MBNL1: variants seen among roughly 807,000 people sequenced by gnomAD.
The protein encoded by MBNL1 is muscleblind-like protein 1.
A neutral mutation model predicts 42.2 loss-of-function variants in MBNL1; 8 were observed. That is an observed-to-expected ratio of 0.19 (90% confidence interval 0.11 to 0.34). The LOEUF (loss-of-function observed/expected upper bound fraction) is 0.34. MBNL1 is among the 10% of genes least tolerant of loss of function. The pLI is 1.00. For missense variants in MBNL1, 309 were observed against 495.3 expected (o/e 0.62, Z 3.57); for synonymous variants, 169 against 173.9 (o/e 0.97, Z 0.22).
chr3:152,381,200 G>T (rs2097166249), intron 2 of MBNL1, among the ~76,000 whole-genome samples: 1 of 152,014 alleles, frequency 6.6e-6, no homozygotes, highest in Non-Finnish European at 1.5e-5. Context: ...ACAAAGACTG[G>T]ATTGTAATAT....
intron 2 of MBNL1, chr3:152,340,963 T>C: frequency 2.0e-6 from 3 of 1,504,082 alleles, no homozygotes; most frequent in Non-Finnish European, 2.7e-6. Flanking sequence ...CTATACCACT[T>C]TCCTGAAGGT....
intron 9 of MBNL1, among the ~76,000 whole-genome samples, chr3:152,460,528 T>C (rs975829345): frequency 1.4e-5 from 2 of 146,944 alleles, no homozygotes; most frequent in African/African-American, 5.0e-5. Flanking sequence ...GACACGTTAG[T>C]GGGTGCAGCG....
chr3:152,282,644 C>T (rs1260666901), intron 1 of MBNL1, among the ~76,000 whole-genome samples: 2 of 151,310 alleles, frequency 1.3e-5, no homozygotes, highest in South Asian at 2.1e-4. Context: ...GGTTTTGTTG[C>T]CACAAGATTT....
intron 5 of MBNL1, among the ~76,000 whole-genome samples, chr3:152,446,396 A>G (rs1276647986): frequency 6.6e-6 from 1 of 152,116 alleles, no homozygotes; most frequent in Non-Finnish European, 1.5e-5. Context: ...GCAAAAATAC[A>G]GAAGGCAGAC....
At chr3:152,378,239 TGGGA>T (rs918540079) in intron 2 of MBNL1, among the ~76,000 whole-genome samples, 2 of 151,882 alleles carry the variant, frequency 1.3e-5, no homozygotes, top group African/African-American at 4.8e-5. Flanking sequence ...GAGGCTGAGG[TGGGA>T]GGATCACTTG....
At chr3:152,354,657 A>G (rs965345849) in intron 2 of MBNL1, among the ~76,000 whole-genome samples, 2 of 152,004 alleles carry the variant, frequency 1.3e-5, no homozygotes, top group African/African-American at 2.4e-5. Context: ...AAAAAAAAAA[A>G]CTGCCCTGAA....
At chr3:152,337,323 A>G (rs900258593) in intron 2 of MBNL1, among the ~76,000 whole-genome samples, 1 of 152,202 alleles carries the variant, frequency 6.6e-6, no homozygotes, top group African/African-American at 2.4e-5. Flanking sequence ...ACAGTGCATC[A>G]AAACTAAATT....
chr3:152,256,311 C>G (rs1183397148), intron 2 of MBNL1, among the ~76,000 whole-genome samples: 1 of 152,154 alleles, frequency 6.6e-6, no homozygotes, highest in Admixed American at 6.6e-5. Flanking sequence ...ATAATTGACT[C>G]TAATCTTGGC....
rs2094139677 is a variant in MBNL1 at position 152,345,781 on chromosome 3, T to C, written c.174+45414T>C. Among the ~76,000 whole-genome samples the C allele has an allele frequency of 3.3e-5, 5 of 152,260 alleles. No individual in the cohort carries two copies. In the Middle Eastern group the frequency reaches 0.01, roughly 311 times the overall value. ...AGATAACACAGGCTCAAACCCTAGT[T>C]CTGCCGTTTACTGGTTGTGTTACCT... On this transcript the variant is annotated intron_variant, in intron 2 of 9. Transcript: ENST00000324210.
At chr3:152,366,430 G>A (rs2096375714) in intron 2 of MBNL1, among the ~76,000 whole-genome samples, 1 of 152,048 alleles carries the variant, frequency 6.6e-6, no homozygotes, top group Non-Finnish European at 1.5e-5. Flanking sequence ...GAGTCATCTT[G>A]CCGAGTTCTG....
Position 152,312,064 on chromosome 3 carries a change from C to T in MBNL1, c.174+11697C>T, listed in dbSNP as rs1040321252. On this transcript the variant is annotated intron_variant, in intron 2 of 9. Transcript: ENST00000324210. ...AAAATTAGCCGGGCGTAGTGGCGGG[C>T]GCCTGTAGTCCCAGCTACTTGGGAG... Among the ~76,000 whole-genome samples the T allele has an allele frequency of 1.2e-3, 185 of 150,436 alleles. 1 individual carries two copies. Among genetic ancestry groups the T allele is most frequent in the South Asian group, 4.8e-3 (23 of 4,756 alleles).
In MBNL1 at chr3:152,360,892, GATTA is replaced by G. The variant is rs1478074978; in HGVS notation, c.175-54044_175-54041del. ...CTTTATCTAGATTTTGCGATTCTTA[GATTA>G]ATTATACTTAATAATTTTTGAAGAT... On this transcript the variant is annotated intron_variant, in intron 2 of 9. Coordinates refer to ENST00000324210, the MANE Select transcript of MBNL1 (RefSeq NM_021038.5). Among the ~76,000 whole-genome samples the G allele has an allele frequency of 4.6e-5, 7 of 151,936 alleles. No homozygotes were observed. In the South Asian group the frequency reaches 1.5e-3, roughly 32 times the overall value.
intron 2 of MBNL1, among the ~76,000 whole-genome samples, chr3:152,258,524 G>A (rs540600195): frequency 1.2e-4 from 18 of 152,296 alleles, no homozygotes; most frequent in African/African-American, 4.3e-4. Flanking sequence ...TCAGGGGGAG[G>A]TGGGTATGCC....
intron 2 of MBNL1, among the ~76,000 whole-genome samples, chr3:152,384,045 A>G (rs1262704122): frequency 6.6e-6 from 1 of 152,160 alleles, no homozygotes; most frequent in Non-Finnish European, 1.5e-5. Context: ...ATGAAGTAAC[A>G]AACATTTTAA....
intron 4 of MBNL1, among the ~76,000 whole-genome samples, chr3:152,443,485 T>TACACACACACACACTCAC (rs2099171539): frequency 1.4e-5 from 2 of 144,860 alleles, no homozygotes; most frequent in African/African-American, 5.2e-5. Flanking sequence ...ATATTTAGCA[T>TACACACACACACACTCAC]ACACACACAC....
At position 152,299,513 on chromosome 3, in the gene MBNL1, A is replaced by G. The variant is rs1332087951; in HGVS notation, c.-681A>G. On this transcript the variant is annotated 5_prime_UTR_variant, in exon 2 of 10. Coordinates refer to ENST00000324210, the MANE Select transcript of MBNL1 (RefSeq NM_021038.5). Reference sequence around the variant, plus strand: ...GCCAGCTAGACTGTGACGACAGCACATCCACCCTCCACCTCTAGCCCAGAC... The same window carrying G: ...GCCAGCTAGACTGTGACGACAGCACGTCCACCCTCCACCTCTAGCCCAGAC... The G allele has an allele frequency of 2.3e-5, 9 of 391,718 alleles. No individual in the cohort carries two copies. Among genetic ancestry groups the G allele is most frequent in the Non-Finnish European group, 3.6e-5 (8 of 222,144 alleles). 24.3% of individuals were successfully genotyped at this position (391,718 alleles called of 1,614,324 possible).
chr3:152,288,697 A>G (rs974229868), intron 1 of MBNL1, among the ~76,000 whole-genome samples: 2 of 152,216 alleles, frequency 1.3e-5, no homozygotes, highest in Admixed American at 6.5e-5. Flanking sequence ...AAATAACAGT[A>G]AAGTATTTAT....
At chr3:152,334,992 A>G (rs1224434083) in intron 2 of MBNL1, 3 of 870,462 alleles carry the variant, frequency 3.4e-6, no homozygotes, top group East Asian at 6.4e-5. Flanking sequence ...TTTGGCTAGC[A>G]TCCTGCAAGG....
intron 1 of MBNL1, among the ~76,000 whole-genome samples, chr3:152,298,400 G>A (rs1048015436): frequency 3.3e-5 from 5 of 152,170 alleles, no homozygotes; most frequent in African/African-American, 1.2e-4. Flanking sequence ...AGGCAACAGG[G>A]GATCCCTCAT....
Sources: allele counts gnomAD v4.1 joint callset (sites outside exome capture counted in the v4.1 genomes callset), GRCh38; gene constraint gnomAD v4.1.1; transcripts MANE v1.5; gene names NCBI Gene and HGNC (gene_info 2026-07-23, HGNC 2026-07-21).